LRMDA: variants seen among roughly 807,000 people sequenced by gnomAD.
LRMDA encodes leucine-rich melanocyte differentiation-associated protein.
LRMDA carries 18 observed loss-of-function variants against 29.8 expected under a neutral mutation model. The observed-to-expected ratio is 0.60, with a 90% CI of 0.42 to 0.90. The LOEUF is 0.90. Ranked by LOEUF, LRMDA falls within the 40% of genes least tolerant of loss-of-function variation. The pLI is 0.00. For synonymous variants in LRMDA, 125 were observed against 109.4 expected (o/e 1.14, Z -0.89); for missense variants, 273 against 273.9 (o/e 1.00, Z 0.02).
At chr10:76,010,548 G>A (rs1488437510) in intron 2 of LRMDA, among the ~76,000 whole-genome samples, 5 of 152,110 alleles carry the variant, frequency 3.3e-5, no homozygotes, top group African/African-American at 1.2e-4. Flanking sequence ...TCCTGACCTC[G>A]TGATCTGCCC....
intron 2 of LRMDA, among the ~76,000 whole-genome samples, chr10:76,009,720 A>G (rs780581161): frequency 3.9e-5 from 6 of 152,152 alleles, no homozygotes; most frequent in Non-Finnish European, 8.8e-5. Context: ...GTTGCTATCC[A>G]GGTTTTTCTT....
At chr10:75,694,112 G>A (rs539077097) in intron 2 of LRMDA, among the ~76,000 whole-genome samples, 1 of 152,322 alleles carries the variant, frequency 6.6e-6, no homozygotes, top group South Asian at 2.1e-4. Flanking sequence ...AGGCAGGCAT[G>A]CCATGGGTAT....
chr10:75,933,931 G>A (rs747836432), intron 2 of LRMDA, among the ~76,000 whole-genome samples: 64 of 152,138 alleles, frequency 4.2e-4, no homozygotes, highest in Non-Finnish European at 7.5e-4. Context: ...AGCTGTAAAG[G>A]TAATATACTG....
At chr10:76,206,378 G>A (rs1323151948) in intron 5 of LRMDA, among the ~76,000 whole-genome samples, 2 of 152,134 alleles carry the variant, frequency 1.3e-5, no homozygotes, top group Non-Finnish European at 2.9e-5. Flanking sequence ...ATTTTCCCCA[G>A]GTAGGATTAG....
chr10:75,583,128 G>T (rs1356893938), intron 2 of LRMDA, among the ~76,000 whole-genome samples: 1 of 152,084 alleles, frequency 6.6e-6, no homozygotes, highest in African/African-American at 2.4e-5. Context: ...GTCTTCTTCT[G>T]ATCCCTCCAC....
intron 2 of LRMDA, among the ~76,000 whole-genome samples, chr10:75,623,513 G>A (rs894371772): frequency 6.6e-6 from 1 of 152,208 alleles, no homozygotes; most frequent in African/African-American, 2.4e-5. Context: ...AATGGGCCAG[G>A]CTGAGGACTC....
chr10:75,710,611 G>A (rs940411370), intron 2 of LRMDA, among the ~76,000 whole-genome samples: 3 of 152,146 alleles, frequency 2.0e-5, no homozygotes, highest in African/African-American at 7.2e-5. Context: ...TTTTCCCCCC[G>A]CTTCCCCTGG....
At chr10:75,853,666 T>C (rs941235365) in intron 2 of LRMDA, among the ~76,000 whole-genome samples, 2 of 152,140 alleles carry the variant, frequency 1.3e-5, no homozygotes, top group African/African-American at 2.4e-5. Flanking sequence ...AAAGGAGCAA[T>C]TGTTCCCTGA....
intron 6 of LRMDA, among the ~76,000 whole-genome samples, chr10:76,423,270 C>T (rs1041036326): frequency 6.6e-6 from 1 of 152,126 alleles, no homozygotes; most frequent in African/African-American, 2.4e-5. Context: ...TGGTGCACAC[C>T]TCAGTCCCAG....
chr10:76,233,425 T>G (rs1253131378), intron 5 of LRMDA, among the ~76,000 whole-genome samples: 1 of 152,234 alleles, frequency 6.6e-6, no homozygotes, highest in Non-Finnish European at 1.5e-5. Context: ...GGCTGCTGAC[T>G]GATCAGGGAG....
rs548370035 is a variant in LRMDA, at chr10:76,145,866, G to T, written c.516+87083G>T. On this transcript the variant is annotated intron_variant, in intron 5 of 6. Transcript: ENST00000611255. ...TCCCTCTACACACTGCTTTGAATGT[G>T]TCCCAGAGATTCTGGTATGTTGTGT... Among the ~76,000 whole-genome samples the T allele has an allele frequency of 9.2e-3, 1,394 of 150,988 alleles. 22 individuals carry two copies. The highest frequency in any genetic ancestry group is 0.033 in the African/African-American group (1,331 of 40,934).
intron 2 of LRMDA, among the ~76,000 whole-genome samples, chr10:75,529,415 T>C (rs898562868): frequency 2.0e-5 from 3 of 152,184 alleles, no homozygotes; most frequent in Non-Finnish European, 2.9e-5. Flanking sequence ...AGGTATGAAA[T>C]GTCTCAAAAA....
chr10:75,738,347 G>GC (rs944435282), intron 2 of LRMDA, among the ~76,000 whole-genome samples: 2 of 152,022 alleles, frequency 1.3e-5, no homozygotes, highest in African/African-American at 4.8e-5. Context: ...TTCTCTCTCT[G>GC]CCACTCTTTG....
At chr10:75,787,147 C>A (rs552440256) in intron 2 of LRMDA, among the ~76,000 whole-genome samples, 2 of 152,112 alleles carry the variant, frequency 1.3e-5, no homozygotes, top group African/African-American at 4.8e-5. Context: ...CTGGCTCTTC[C>A]GCATGCTTGG....
chr10:75,602,408 T>C (rs771806896), intron 2 of LRMDA, among the ~76,000 whole-genome samples: 1 of 152,204 alleles, frequency 6.6e-6, no homozygotes, highest in Non-Finnish European at 1.5e-5. Flanking sequence ...CTTGAAGATA[T>C]TGTTTTATTT....
chr10:76,216,012 G>A (rs1460855899), intron 5 of LRMDA, among the ~76,000 whole-genome samples: 1 of 152,138 alleles, frequency 6.6e-6, no homozygotes. Context: ...GCTAATTCTG[G>A]TCCATTTAAA....
intron 5 of LRMDA, among the ~76,000 whole-genome samples, chr10:76,214,503 C>T (rs1851694531): frequency 6.6e-6 from 1 of 150,724 alleles, no homozygotes. Context: ...CACCACCGCG[C>T]CCGGCTAATT....
intron 2 of LRMDA, among the ~76,000 whole-genome samples, chr10:75,601,861 C>T (rs187569447): frequency 7.2e-5 from 11 of 152,256 alleles, no homozygotes; most frequent in African/African-American, 2.6e-4. Flanking sequence ...TAGGGTTTTT[C>T]TGACTTGACC....
At chr10:75,459,692 C>G (rs1359559329) in intron 2 of LRMDA, among the ~76,000 whole-genome samples, 1 of 152,106 alleles carries the variant, frequency 6.6e-6, no homozygotes, top group Non-Finnish European at 1.5e-5. Flanking sequence ...GACAGTATAC[C>G]TGAGATTGGG....
Sources: allele counts gnomAD v4.1 joint callset (sites outside exome capture counted in the v4.1 genomes callset), GRCh38; gene constraint gnomAD v4.1.1; transcripts MANE v1.5; gene names NCBI Gene and HGNC (gene_info 2026-07-23, HGNC 2026-07-21).